Variants in SLC8A2 observed in about 807,000 individuals in gnomAD.
SLC8A2 encodes solute carrier family 8 member A2, also known as sodium/calcium exchanger 2.
A neutral mutation model predicts 70.2 loss-of-function variants in SLC8A2; 14 were observed. That is an observed-to-expected ratio of 0.20 (90% CI 0.13 to 0.31). The LOEUF is 0.31. Among genes scored for constraint, SLC8A2 ranks in the 10% least tolerant of loss-of-function variants. The pLI is 1.00. For synonymous variants in SLC8A2, 575 were observed against 594.3 expected (o/e 0.97, Z 0.47); for missense variants, 779 against 1,320.1 (o/e 0.59, Z 6.35).
intron 2 of SLC8A2, among the ~76,000 whole-genome samples, chr19:47,460,073 C>T (rs534289053): frequency 7.2e-5 from 11 of 152,256 alleles, no homozygotes; most frequent in African/African-American, 2.6e-4. Context: ...CTCCAAACCT[C>T]GCCCATCATC....
At chr19:47,434,125 A>G (rs1204717955) in intron 8 of SLC8A2, among the ~76,000 whole-genome samples, 2 of 152,246 alleles carry the variant, frequency 1.3e-5, no homozygotes, top group Non-Finnish European at 2.9e-5. Flanking sequence ...TGCTGAACGC[A>G]TCCCTAACTG....
At position 47,429,182 on chromosome 19, in the gene SLC8A2, GCCT is replaced by G; in HGVS notation, c.*904_*906del. On this transcript the variant is annotated 3_prime_UTR_variant, in exon 10 of 10. Coordinates refer to ENST00000236877, the MANE Select transcript of SLC8A2 (RefSeq NM_015063.3). The stretch of plus-strand genomic sequence containing the variant: ...TCAACTGGACTCGCTTTGATTCCCG[GCCT>G]CCTCCCCAAAGCTGGTTCTCATGGC... 6.5e-6 allele frequency: 1 copy of G among 152,672 alleles called. No homozygotes were observed. The highest frequency in any genetic ancestry group is 1.5e-5 in the Non-Finnish European group (1 of 68,078). The allele number at this position is 152,672 out of a possible 1,614,324, so 9.5% of individuals were successfully genotyped here. A position where few individuals can be genotyped will look rare whatever the true frequency, so the allele number is the denominator to read the frequency against.
Position 47,430,071 on chromosome 19 carries a change from G to A in SLC8A2, c.*18C>T, listed in dbSNP as rs185210080. On this transcript the variant is annotated 3_prime_UTR_variant, in exon 10 of 10. Transcript: ENST00000236877. This position sits in a 1 kb window ranked among gnomAD's most constrained non-coding sequence, Gnocchi z 5.9. ...CTAGCCCCGGGCGGGCGGTGGGGAC[G>A]AGTCTCTGCGCGAGGCCCTAGAAGC... The A allele has an allele frequency of 0.012, 18,668 of 1,568,842 alleles. 144 individuals are homozygous for A. Among genetic ancestry groups the A allele is most frequent in the Non-Finnish European group, 0.015 (17,179 of 1,156,730 alleles).
At chr19:47,440,087 A>G (rs555122315) in intron 6 of SLC8A2, among the ~76,000 whole-genome samples, 2 of 152,296 alleles carry the variant, frequency 1.3e-5, no homozygotes, top group East Asian at 1.9e-4. Context: ...ACGGATCCCA[A>G]TTCTGATCTT....
At chr19:47,433,293 T>A (rs1966986883) in intron 8 of SLC8A2, among the ~76,000 whole-genome samples, 1 of 152,188 alleles carries the variant, frequency 6.6e-6, no homozygotes, top group African/African-American at 2.4e-5. Context: ...TTTCCCAGAA[T>A]CCCTTGCAGC....
chr19:47,451,005 CTTTTT>C (rs71180844), intron 3 of SLC8A2, among the ~76,000 whole-genome samples: 2 of 80,214 alleles, frequency 2.5e-5, no homozygotes, highest in Non-Finnish European at 5.0e-5. Context: ...GTAGCACTAT[CTTTTT>C]TTTTTTTTTT....
chr19:47,451,149 C>T (rs932767995), intron 3 of SLC8A2, among the ~76,000 whole-genome samples: 2 of 151,424 alleles, frequency 1.3e-5, no homozygotes, highest in Admixed American at 6.6e-5. Context: ...GCTGGGATTA[C>T]AGATGTGTGC....
At chr19:47,438,786 C>A (rs1199449059) in intron 6 of SLC8A2, among the ~76,000 whole-genome samples, 1 of 152,140 alleles carries the variant, frequency 6.6e-6, no homozygotes, top group Non-Finnish European at 1.5e-5. Flanking sequence ...TAACCTGGAG[C>A]ATCAATAACC....
In SLC8A2 at chr19:47,466,318, G is replaced by A. The variant is rs201723439; in HGVS notation, c.86C>T (p.Pro29Leu). The change falls in exon 2 of 10, where the codon CCG (proline) becomes CTG (leucine). Residue 29 changes from proline (P) to leucine (L), a missense_variant. Physicochemically the swap from Pro to Leu is moderately conservative, Grantham distance 98. Coordinates refer to ENST00000236877, the MANE Select transcript of SLC8A2 (RefSeq NM_015063.3). The surrounding 1 kb of genome is among the most constrained non-coding windows in gnomAD (Gnocchi z 6.9). ...SGAATPTPSL[P>L]PPPANDSDTS... is the part of the protein sequence containing the mutation. ...GTCGCTGTCATTGGCCGGGGGAGGC[G>A]GCAGGGAGGGGGTTGGGGTGGCTGC... 1.8e-3 allele frequency: 2,666 copies of A among 1,481,046 alleles called. 5 individuals carry two copies. Among genetic ancestry groups the A allele is most frequent in the Non-Finnish European group, 2.2e-3 (2,478 of 1,112,170 alleles). The allele number at this position is 1,481,046 out of a possible 1,614,324, so 91.7% of individuals were successfully genotyped here.
At chr19:47,464,393 T>C (rs1489811842) in intron 2 of SLC8A2, among the ~76,000 whole-genome samples, 2 of 152,216 alleles carry the variant, frequency 1.3e-5, no homozygotes, top group Non-Finnish European at 2.9e-5. Flanking sequence ...ATTACAGGCA[T>C]GAACCACCAC....
intron 1 of SLC8A2, among the ~76,000 whole-genome samples, chr19:47,467,719 A>T (rs1418469420): frequency 6.6e-6 from 1 of 151,768 alleles, no homozygotes; most frequent in Non-Finnish European, 1.5e-5. Flanking sequence ...ATCGCTGGAC[A>T]CGGTGGCTCA....
chr19:47,460,074 G>C (rs1003524254), intron 2 of SLC8A2, among the ~76,000 whole-genome samples: 1 of 151,952 alleles, frequency 6.6e-6, no homozygotes, highest in Non-Finnish European at 1.5e-5. Flanking sequence ...TCCAAACCTC[G>C]CCCATCATCC....
At chr19:47,433,653 CTT>C (rs111488062) in intron 8 of SLC8A2, among the ~76,000 whole-genome samples, 8 of 144,404 alleles carry the variant, frequency 5.5e-5, no homozygotes, top group Non-Finnish European at 7.6e-5. Context: ...CCTGCAGTGA[CTT>C]TTTTTTTTTT....
chr19:47,471,077 ACAGAGACTGAGATATC>A (rs536695299), intron 1 of SLC8A2, among the ~76,000 whole-genome samples: 1 of 151,376 alleles, frequency 6.6e-6, no homozygotes, highest in South Asian at 2.1e-4. Flanking sequence ...AGAGAGAGAA[ACAGAGACTGAGATATC>A]CAGAGACAGA....
At chr19:47,438,101 T>C in intron 6 of SLC8A2, 128 bp from the exon 7 acceptor site, 3 of 1,156,506 alleles carry the variant, frequency 2.6e-6, no homozygotes, top group Non-Finnish European at 3.7e-6. Flanking sequence ...CCTTGGTGAC[T>C]CCTCCCAGCC....
At chr19:47,464,869 A>G (rs569438019) in intron 2 of SLC8A2, among the ~76,000 whole-genome samples, 1 of 152,368 alleles carries the variant, frequency 6.6e-6, no homozygotes, top group East Asian at 1.9e-4. Flanking sequence ...TTGTCAAGGA[A>G]GACTACATAG....
intron 1 of SLC8A2, among the ~76,000 whole-genome samples, chr19:47,470,888 A>G (rs544600385): frequency 2.0e-5 from 3 of 152,014 alleles, no homozygotes; most frequent in Non-Finnish European, 4.4e-5. Context: ...GGAGGAGTGG[A>G]GAGAGCAGGG....
At chr19:47,450,747 G>A (rs1324349518) in intron 3 of SLC8A2, among the ~76,000 whole-genome samples, 1 of 152,092 alleles carries the variant, frequency 6.6e-6, no homozygotes, top group Non-Finnish European at 1.5e-5. Context: ...CATGCCAGCT[G>A]TGTGATCTTG....
Position 47,432,423 on chromosome 19 carries a change from G to C in SLC8A2, c.2133C>G (p.Asp711Glu). Residue 711 changes from aspartate (D) to glutamate (E), a missense_variant, in exon 9 of 10, where the codon GAC (aspartate) becomes GAG (glutamate). This residue lies in a region of SLC8A2 where 247 missense variants were observed against 362.8 expected (regional missense o/e 0.68). Coordinates refer to ENST00000236877, the MANE Select transcript of SLC8A2 (RefSeq NM_015063.3). This position sits in a 1 kb window ranked among gnomAD's most constrained non-coding sequence, Gnocchi z 6.2. ...ACGGCAGCCGCTCCTCCCGGGACCC[G>C]TCCTCCTCCTCCTCCTCGTCCCCTG... Reference protein sequence around the residue: ...VSAGDEEEEEDGSREERLPSC... With the variant: ...VSAGDEEEEEEGSREERLPSC... The C allele has an allele frequency of 6.3e-7, 1 of 1,597,954 alleles. No individual in the cohort carries two copies. Among genetic ancestry groups the C allele is most frequent in the Non-Finnish European group, 8.5e-7 (1 of 1,171,088 alleles).
Sources: gnomAD v4.1 joint callset for allele counts (sites outside exome capture counted in the v4.1 genomes callset) on GRCh38, gnomAD v4.1.1 for gene constraint, gnomAD v4.1.1 regional missense constraint, Gnocchi (gnomAD v3.1) non-coding constraint, MANE v1.5 for transcripts, NCBI Gene and HGNC (gene_info 2026-07-23, HGNC 2026-07-21) for gene names.